Variants in NPC1 observed in about 807,000 individuals in gnomAD.
The protein encoded by NPC1 is Niemann-Pick C1 protein.
NPC1 carries 85 observed loss-of-function variants against 140.4 expected under a neutral mutation model. The ratio of observed to expected loss-of-function variants is 0.61; its 90% confidence interval spans 0.51 to 0.72. The LOEUF is 0.72. Among genes scored for constraint, NPC1 ranks in the 30% least tolerant of loss-of-function variants. The pLI, the probability that NPC1 is intolerant of heterozygous loss-of-function variation, is 0.00. For synonymous variants in NPC1, 656 were observed against 624.8 expected (o/e 1.05, Z -0.74); for missense variants, 1,504 against 1,623.8 (o/e 0.93, Z 1.27).
chr18:23,548,393 A>G (rs981514745), intron 10 of NPC1, among the ~76,000 whole-genome samples: 2 of 151,478 alleles, frequency 1.3e-5, no homozygotes, highest in Non-Finnish European at 2.9e-5. Flanking sequence ...AATTTCAAAC[A>G]GAACAGAAAA....
intron 1 of NPC1, among the ~76,000 whole-genome samples, chr18:23,579,857 C>G (rs1229609270): frequency 6.7e-6 from 1 of 149,764 alleles, no homozygotes; most frequent in African/African-American, 2.5e-5. Flanking sequence ...TGCACTCCAG[C>G]CTGGGTAACA....
intron 3 of NPC1, chr18:23,506,904 T>G: frequency 8.8e-7 from 1 of 1,132,194 alleles, no homozygotes; most frequent in Non-Finnish European, 1.3e-6. Context: ...GTCTTTTGCC[T>G]TTTCAATAAA....
chr18:23,542,217 G>T (rs145489467), intron 14 of NPC1, among the ~76,000 whole-genome samples: 2 of 149,570 alleles, frequency 1.3e-5, no homozygotes, highest in African/African-American at 4.9e-5. Context: ...CACTTGCACT[G>T]GTTTTCTTAT....
chr18:23,554,758 C>A lies in NPC1; in HGVS notation c.1553G>T (p.Arg518Leu). The A allele has an allele frequency of 1.3e-5, 21 of 1,610,220 alleles. No individual in the cohort carries two copies. Among genetic ancestry groups the A allele is most frequent in the Non-Finnish European group, 1.8e-5 (21 of 1,176,534 alleles). Reference sequence around the variant, plus strand: ...CCAATGATTGTCTCTTGCCACTTACCGTACGCAGTACAGAAAGTGCGTGTG... The same window carrying A: ...CCAATGATTGTCTCTTGCCACTTACAGTACGCAGTACAGAAAGTGCGTGTG... ...DYHTHFLYCV[R>L]APASLNDTSL... The change falls in exon 9 of 25, where the codon CGG becomes CTG. Residue 518 changes from arginine to leucine, a missense_variant and splice_region_variant. Arg to Leu is a moderately radical substitution (Grantham distance 102). Transcript: ENST00000269228.
chr18:23,548,106 G>T lies in NPC1; in HGVS notation c.1657C>A (p.Gln553Lys). The T allele has an allele frequency of 6.3e-7, 1 of 1,587,308 alleles. No individual in the cohort carries two copies. The highest frequency in any genetic ancestry group is 1.1e-5 in the South Asian group (1 of 90,486). ...AGGGCAGTGGCGTTATTGTAGTTTT[G>T]ATCTAGAAAGGAAAAATGTGACATC... ...PWLVLGGYDD[Q>K]NYNNATALVI... The change falls in exon 11 of 25, where the codon CAA becomes AAA. Residue 553 changes from glutamine to lysine, a missense_variant and splice_region_variant. Coordinates refer to ENST00000269228, the MANE Select transcript of NPC1 (RefSeq NM_000271.5).
intron 23 of NPC1, chr18:23,533,816 TTTC>T (rs1390420771): frequency 7.3e-6 from 3 of 408,486 alleles, no homozygotes; most frequent in African/African-American, 4.1e-5. Flanking sequence ...CTTATGGGGA[TTTC>T]TTAATATTCA....
intron 12 of NPC1, among the ~76,000 whole-genome samples, 154 bp from the exon 13 acceptor site, chr18:23,544,680 AGGTCTGCTCG>A (rs1434649039): frequency 6.6e-6 from 1 of 152,192 alleles, no homozygotes; most frequent in Non-Finnish European, 1.5e-5. Flanking sequence ...AAACATTTCT[AGGTCTGCTCG>A]GGCAACACAT....
intron 6 of NPC1, 146 bp downstream of exon 6, chr18:23,560,085 G>T: frequency 1.1e-6 from 1 of 928,710 alleles, no homozygotes; most frequent in Non-Finnish European, 1.7e-6. Context: ...CTATAGAATA[G>T]CTGTAGGACA....
chr18:23,514,842 C>T (rs181856604), intron 3 of NPC1, among the ~76,000 whole-genome samples: 28 of 152,260 alleles, frequency 1.8e-4, no homozygotes, highest in African/African-American at 6.0e-4. Context: ...AAGAAGCTTA[C>T]GGCTCCTGCC....
intron 20 of NPC1, 56 bp from the exon 21 acceptor site, chr18:23,536,932 A>G: frequency 6.9e-7 from 1 of 1,455,194 alleles, no homozygotes; most frequent in South Asian, 1.2e-5. Flanking sequence ...ATATCAGCAG[A>G]ATCTGAGCAC....
At chr18:23,560,636 T>C (rs2059024731) in intron 5 of NPC1, among the ~76,000 whole-genome samples, 156 bp from the exon 6 acceptor site, 1 of 152,272 alleles carries the variant, frequency 6.6e-6, no homozygotes, top group African/African-American at 2.4e-5. Flanking sequence ...TATGTTTTGC[T>C]GCTTCGTCCT....
intron 9 of NPC1, among the ~76,000 whole-genome samples, chr18:23,553,674 T>TC: frequency 6.6e-6 from 1 of 152,294 alleles, no homozygotes; most frequent in East Asian, 1.9e-4. Flanking sequence ...CTAGGCCAGG[T>TC]CCCTAGCATT....
Position 23,554,793 on chromosome 18 carries a change from A to G in NPC1, c.1518T>C (p.Tyr506=), listed in dbSNP as rs2145447075. ...ACAGAAAGTGCGTGTGGTAATCGGC[A>G]TACACAAAGAAGTCGTCCCCTTTCT... ...DHKKGDDFFV[Y]ADYHTHFLYC... Residue 506 remains tyrosine, a synonymous_variant, in exon 9 of 25, where the codon TAT becomes TAC. Coordinates refer to ENST00000269228, the MANE Select transcript of NPC1 (RefSeq NM_000271.5). 6.2e-7 allele frequency: 1 copy of G among 1,614,134 alleles called. No homozygotes were observed. Among genetic ancestry groups the G allele is most frequent in the Non-Finnish European group, 8.5e-7 (1 of 1,179,990 alleles).
chr18:23,559,668 G>A (rs113356793), intron 6 of NPC1, among the ~76,000 whole-genome samples: 160 of 151,922 alleles, frequency 1.1e-3, no homozygotes, highest in African/African-American at 3.6e-3. Context: ...ATGAGTGGCC[G>A]GCTGGGCACG....
intron 10 of NPC1, among the ~76,000 whole-genome samples, chr18:23,549,496 G>A (rs1346209934): frequency 9.9e-5 from 15 of 151,944 alleles, no homozygotes; most frequent in Admixed American, 6.6e-4. Flanking sequence ...GAAATTAGCT[G>A]GGCCTGGTGA....
chr18:23,544,699 A>G (rs1212867501), intron 12 of NPC1, among the ~76,000 whole-genome samples, 173 bp from the exon 13 acceptor site: 1 of 152,050 alleles, frequency 6.6e-6, no homozygotes, highest in Non-Finnish European at 1.5e-5. Context: ...CGGGCAACAC[A>G]TGTTATGAGT....
intron 3 of NPC1, among the ~76,000 whole-genome samples, chr18:23,509,851 G>GCC (rs1567914593): frequency 6.6e-6 from 1 of 150,948 alleles, no homozygotes; most frequent in Admixed American, 6.6e-5. Context: ...GAGCCACTGC[G>GCC]CCCGGCCCTG....
chr18:23,526,575 A>G, downstream of NPC1: 1 of 1,582,054 alleles, frequency 6.3e-7, no homozygotes, highest in Non-Finnish European at 8.6e-7. Flanking sequence ...TAGGGGAACC[A>G]CTTTTGGGCT....
chr18:23,532,426 AC>A, intron 24 of NPC1, 142 bp from the exon 25 acceptor site: 1 of 875,364 alleles, frequency 1.1e-6, no homozygotes, highest in South Asian at 1.4e-5. Context: ...ACAGAGTGAG[AC>A]CACATCTCTC....
Sources: gnomAD v4.1 joint callset for allele counts (sites outside exome capture counted in the v4.1 genomes callset) on GRCh38, gnomAD v4.1.1 for gene constraint, MANE v1.5 for transcripts, NCBI Gene and HGNC (gene_info 2026-07-23, HGNC 2026-07-21) for gene names.